CHRNA1: variants seen among roughly 807,000 people sequenced by gnomAD.
The protein encoded by CHRNA1 is acetylcholine receptor subunit alpha.
In CHRNA1, 35 loss-of-function variants were observed where a neutral mutation model predicts 47.1. The observed-to-expected ratio is 0.74, with a 90% CI of 0.57 to 0.99. CHRNA1 has a LOEUF of 0.99. Ranked by LOEUF, CHRNA1 falls within the 50% of genes least tolerant of loss-of-function variation. The pLI is 0.00. For missense variants in CHRNA1, 506 were observed against 591.1 expected (o/e 0.86, Z 1.49); for synonymous variants, 229 against 223.6 (o/e 1.02, Z -0.22).
intron 1 of CHRNA1, among the ~76,000 whole-genome samples, chr2:174,761,289 G>A (rs886595358): frequency 1.3e-5 from 2 of 152,014 alleles, no homozygotes; most frequent in Non-Finnish European, 2.9e-5. Flanking sequence ...CTTCATTCAC[G>A]TAACCAGATC....
At chr2:174,762,483 G>T (rs1684118982) in intron 1 of CHRNA1, among the ~76,000 whole-genome samples, 1 of 152,286 alleles carries the variant, frequency 6.6e-6, no homozygotes, top group Admixed American at 6.5e-5. Flanking sequence ...TGAAATATTT[G>T]TTGAGCATTT....
At chr2:174,748,460 C>A in intron 8 of CHRNA1, 120 bp downstream of exon 8, 2 of 1,439,606 alleles carry the variant, frequency 1.4e-6, no homozygotes, top group Non-Finnish European at 1.9e-6. Context: ...CACCAGGGTT[C>A]ATCTTAGGTC....
intron 1 of CHRNA1, among the ~76,000 whole-genome samples, chr2:174,760,042 G>A (rs918915882): frequency 1.3e-5 from 2 of 152,052 alleles, no homozygotes; most frequent in African/African-American, 4.8e-5. Flanking sequence ...CAGATCTCAA[G>A]ATGCCATGAA....
At chr2:174,758,778 T>C (rs1455786584) in intron 3 of CHRNA1, among the ~76,000 whole-genome samples, 6 of 152,102 alleles carry the variant, frequency 3.9e-5, no homozygotes, top group African/African-American at 1.2e-4. Flanking sequence ...AATTTGGAGA[T>C]AGGTTCTTTA....
chr2:174,764,330 C>A, intron 1 of CHRNA1, 22 bp downstream of exon 1: 1 of 1,611,584 alleles, frequency 6.2e-7, no homozygotes, highest in South Asian at 1.1e-5. Context: ...GCCCTCTCCC[C>A]ACCCCTGACC....
In CHRNA1 at chr2:174,748,154, A is replaced by G; in HGVS notation, c.1344T>C (p.Gly448=). 5 of 1,614,148 alleles carry G rather than the reference A, an allele frequency of 3.1e-6. No individual in the cohort carries two copies. Among genetic ancestry groups the G allele is most frequent in the Non-Finnish European group, 4.2e-6 (5 of 1,180,038 alleles). The change falls in exon 9 of 9, where the codon GGT becomes GGC. Residue 448 remains glycine (G), a synonymous_variant. Transcript: ENST00000348749. The part of the protein sequence containing the change: ...CIIGTLAVFA[G]RLIELNQQG Reference sequence around the variant, plus strand: ...CTTGCTGATTTAATTCAATGAGTCGACCTGCAAACACGGCTAGGGTTCCGA... The same window carrying G: ...CTTGCTGATTTAATTCAATGAGTCGGCCTGCAAACACGGCTAGGGTTCCGA...
At chr2:174,763,111 T>C (rs1364826683) in intron 1 of CHRNA1, among the ~76,000 whole-genome samples, 2 of 152,178 alleles carry the variant, frequency 1.3e-5, no homozygotes, top group Non-Finnish European at 2.9e-5. Flanking sequence ...CTGATCTAGC[T>C]CTAAATTTCT....
Position 174,748,028 on chromosome 2 carries a change from A to G in CHRNA1, c.*96T>C. On this transcript the variant is annotated 3_prime_UTR_variant, in exon 9 of 9. Coordinates refer to ENST00000348749, the MANE Select transcript of CHRNA1 (RefSeq NM_000079.4). Reference sequence around the variant, plus strand: ...ATAAGTATGGAATATAACACGTTTGATAAGTGCGAGTGGAGCAAGTAGACA... The same window carrying G: ...ATAAGTATGGAATATAACACGTTTGGTAAGTGCGAGTGGAGCAAGTAGACA... The G allele has an allele frequency of 2.0e-6, 3 of 1,470,952 alleles. No homozygotes were observed. Among genetic ancestry groups the G allele is most frequent in the Non-Finnish European group, 2.8e-6 (3 of 1,060,738 alleles). The allele number at this position is 1,470,952 out of a possible 1,614,324, so 91.1% of individuals were successfully genotyped here.
intron 4 of CHRNA1, 146 bp from the exon 5 acceptor site, chr2:174,754,560 T>G (rs1215062488): frequency 2.8e-6 from 2 of 720,334 alleles, no homozygotes; most frequent in Non-Finnish European, 4.8e-6. Context: ...TTTTATCTAT[T>G]GCAATGTTCC....
chr2:174,757,825 C>A, intron 3 of CHRNA1, 150 bp from the exon 4 acceptor site: 1 of 962,322 alleles, frequency 1.0e-6, no homozygotes, highest in East Asian at 2.6e-5. Context: ...GCTTTCACTT[C>A]AGTAAATAAG....
chr2:174,760,063 T>C (rs1684073275), intron 1 of CHRNA1, among the ~76,000 whole-genome samples: 1 of 152,120 alleles, frequency 6.6e-6, no homozygotes, highest in Admixed American at 6.5e-5. Context: ...CAGCCAAAAT[T>C]GATGCTGGTT....
Position 174,749,926 on chromosome 2 carries a change from G to T in CHRNA1, c.1002+20C>A, listed in dbSNP as rs1436329543. On this transcript the variant is annotated intron_variant, in intron 7 of 8. Coordinates refer to ENST00000348749, the MANE Select transcript of CHRNA1 (RefSeq NM_000079.4). ...GTAGATGTGCCTCCGTGTGAAGTCT[G>T]CAGGGGCCTCCCCACTCACCTTCCG... The T allele has an allele frequency of 6.2e-7, 1 of 1,604,370 alleles. No individual in the cohort carries two copies. Among genetic ancestry groups the T allele is most frequent in the Admixed American group, 1.7e-5 (1 of 59,998 alleles).
rs754070026 is a variant in CHRNA1 at position 174,750,108 on chromosome 2, G to A, written c.840C>T (p.Ile280=). The A allele has an allele frequency of 1.6e-5, 26 of 1,613,220 alleles. No homozygotes were observed. Among genetic ancestry groups the A allele is most frequent in the East Asian group, 6.7e-5 (3 of 44,876 alleles). The stretch of plus-strand genomic sequence containing the variant: ...TGGACGTGGAGGGGATCAGCTCCAC[G>A]ATGACCAGAAGGAACACAGTCAAAG... The part of the protein sequence containing the change: ...LLSLTVFLLV[I]VELIPSTSSA... The change falls in exon 7 of 9, where the codon ATC becomes ATT. Residue 280 remains isoleucine, a synonymous_variant. Coordinates refer to ENST00000348749, the MANE Select transcript of CHRNA1 (RefSeq NM_000079.4).
rs141280544 is a variant in CHRNA1, at chr2:174,748,652, G to C, written c.1170C>G (p.Pro390=). The change falls in exon 8 of 9, where the codon CCC becomes CCG. Residue 390 remains proline, a synonymous_variant. Transcript: ENST00000348749. ...MGFHSPLIKH[P]EVKSAIEGIK... ...TGCCCTCGATGGCACTTTTCACCTC[G>C]GGGTGTTTGATCAGGGGAGAGTGGA... The C allele has an allele frequency of 1.5e-4, 239 of 1,614,060 alleles. No individual in the cohort carries two copies. The highest frequency in any genetic ancestry group is 1.9e-4 in the Non-Finnish European group (227 of 1,180,032).
At chr2:174,751,432 A>T (rs1234511002) in intron 6 of CHRNA1, among the ~76,000 whole-genome samples, 4 of 152,202 alleles carry the variant, frequency 2.6e-5, no homozygotes, top group Non-Finnish European at 4.4e-5. Flanking sequence ...CGGATGCTAG[A>T]ATATATATAG....
intron 6 of CHRNA1, 185 bp downstream of exon 6, chr2:174,753,318 G>T: frequency 1.3e-6 from 1 of 760,020 alleles, no homozygotes; most frequent in South Asian, 1.4e-5. Flanking sequence ...GTCTGCCCCA[G>T]CTGTGAGCTC....
At chr2:174,752,712 A>C (rs7562549) in intron 6 of CHRNA1, 23,419 of 151,688 alleles carry the variant, frequency 0.15, 3,264 homozygotes, top group African/African-American at 0.37. Flanking sequence ...GTAAATGAAT[A>C]ATCTTTTTTC....
rs1383708770 is a variant in CHRNA1 at position 174,748,618 on chromosome 2, T to C, written c.1204A>G (p.Ile402Val). The C allele has an allele frequency of 2.5e-6, 4 of 1,614,016 alleles. No individual in the cohort carries two copies. In the South Asian group the frequency reaches 4.4e-5, roughly 18 times the overall value. ...VKSAIEGIKY[I>V]AETMKSDQES... ...TGGTCTGACTTCATGGTCTCTGCGA[T>C]GTACTTGATGCCCTCGATGGCACTT... Residue 402 changes from isoleucine (I) to valine (V), a missense_variant, in exon 8 of 9, where the codon ATC (isoleucine) becomes GTC (valine). Transcript: ENST00000348749.
At chr2:174,749,014 C>T (rs1314578534) in intron 7 of CHRNA1, among the ~76,000 whole-genome samples, 195 bp from the exon 8 acceptor site, 1 of 152,066 alleles carries the variant, frequency 6.6e-6, no homozygotes, top group Non-Finnish European at 1.5e-5. Flanking sequence ...TGTGAAATGA[C>T]TATGGTTAAC....
Sources: allele counts gnomAD v4.1 joint callset (sites outside exome capture counted in the v4.1 genomes callset), GRCh38; gene constraint gnomAD v4.1.1; transcripts MANE v1.5; gene names NCBI Gene and HGNC (gene_info 2026-07-23, HGNC 2026-07-21).